FIG4: variants seen among roughly 807,000 people sequenced by gnomAD.
FIG4 encodes the protein FIG4 phosphoinositide 5-phosphatase.
A neutral mutation model predicts 118.6 loss-of-function variants in FIG4; 112 were observed. The observed-to-expected ratio is 0.94, with a 90% CI of 0.81 to 1.11. FIG4 has a LOEUF of 1.11. Ranked by LOEUF, FIG4 falls within the 50% of genes least tolerant of loss-of-function variation. The probability of loss-of-function intolerance (pLI) is 0.00; values close to 1 mark genes in which losing one functional copy is unlikely to be tolerated. For synonymous variants in FIG4, 369 were observed against 381.2 expected, an observed-to-expected ratio of 0.97 and a Z score of 0.37; for missense variants, 969 against 1,111.7, an observed-to-expected ratio of 0.87 and a Z score of 1.83.
At chr6:109,722,604 A>G (rs1775644794) in intron 3 of FIG4, among the ~76,000 whole-genome samples, 1 of 151,872 alleles carries the variant, frequency 6.6e-6, no homozygotes, top group African/African-American at 2.4e-5. Context: ...GCTAGATATA[A>G]GATTCTTATA....
At chr6:109,719,270 A>G (rs928430103) in intron 3 of FIG4, among the ~76,000 whole-genome samples, 1 of 152,078 alleles carries the variant, frequency 6.6e-6, no homozygotes, top group Non-Finnish European at 1.5e-5. Flanking sequence ...TGAATGCCTT[A>G]TTGGCCAGAT....
At chr6:109,791,147 T>C (rs902819434) in intron 19 of FIG4, among the ~76,000 whole-genome samples, 1 of 152,172 alleles carries the variant, frequency 6.6e-6, no homozygotes, top group African/African-American at 2.4e-5. Flanking sequence ...CTGCAAGTAA[T>C]TTTCATTTAT....
At chr6:109,739,631 C>CT (rs1776264522) in intron 7 of FIG4, among the ~76,000 whole-genome samples, 1 of 152,064 alleles carries the variant, frequency 6.6e-6, no homozygotes, top group South Asian at 2.1e-4. Flanking sequence ...GTTTCTTTGT[C>CT]TTATTTATGG....
intron 10 of FIG4, among the ~76,000 whole-genome samples, chr6:109,760,044 A>G (rs1219439143): frequency 6.6e-6 from 1 of 152,166 alleles, no homozygotes; most frequent in Non-Finnish European, 1.5e-5. Context: ...TAGAATCTTC[A>G]AAGTTCATTA....
chr6:109,744,689 G>A (rs192501296), intron 10 of FIG4, among the ~76,000 whole-genome samples: 10 of 152,038 alleles, frequency 6.6e-5, no homozygotes, highest in African/African-American at 2.2e-4. Flanking sequence ...TGTGCAGAAC[G>A]TGCAGGTTTG....
chr6:109,821,121 C>T (rs1196465677), intron 22 of FIG4, among the ~76,000 whole-genome samples: 1 of 152,178 alleles, frequency 6.6e-6, no homozygotes. Context: ...ACGGCCAAAG[C>T]TCCCTACCTG....
intron 18 of FIG4, 143 bp downstream of exon 18, chr6:109,786,592 G>A: frequency 1.2e-6 from 1 of 828,418 alleles, no homozygotes; most frequent in African/African-American, 1.7e-5. Flanking sequence ...CTCCTGTGAT[G>A]GGGAGCCCAC....
intron 3 of FIG4, among the ~76,000 whole-genome samples, chr6:109,721,479 A>G (rs1040177351): frequency 2.6e-5 from 4 of 152,102 alleles, no homozygotes; most frequent in African/African-American, 9.7e-5. Context: ...ATACTACTCC[A>G]TTCTCTCATA....
At chr6:109,810,211 A>T (rs1778682913) in intron 22 of FIG4, among the ~76,000 whole-genome samples, 1 of 152,122 alleles carries the variant, frequency 6.6e-6, no homozygotes, top group African/African-American at 2.4e-5. Context: ...GGGTGCATGG[A>T]TGTAGGGAAG....
chr6:109,740,925 G>A (rs1308487518), intron 7 of FIG4, among the ~76,000 whole-genome samples: 1 of 152,114 alleles, frequency 6.6e-6, no homozygotes, highest in East Asian at 1.9e-4. Context: ...CACAATGGCA[G>A]AGCAGAAGAG....
At chr6:109,691,585 C>A in intron 1 of FIG4, 84 bp downstream of exon 1, 1 of 1,158,672 alleles carries the variant, frequency 8.6e-7, no homozygotes, top group Non-Finnish European at 1.3e-6. Flanking sequence ...AGGCTGTACT[C>A]TGCCTCCTCC....
chr6:109,781,503 G>A (rs1419593474), intron 16 of FIG4, among the ~76,000 whole-genome samples: 6 of 151,952 alleles, frequency 3.9e-5, no homozygotes, highest in Admixed American at 3.9e-4. Flanking sequence ...TAGCTGTTCT[G>A]AGACCACTGG....
intron 17 of FIG4, chr6:109,786,088 G>GCTTGTTGAACT: frequency 1.8e-6 from 1 of 564,502 alleles, no homozygotes. Flanking sequence ...GCTCCTTAGA[G>GCTTGTTGAACT]CTTGTTGAAC....
At chr6:109,824,007 A>G (rs2128402490) in intron 22 of FIG4, among the ~76,000 whole-genome samples, 1 of 152,240 alleles carries the variant, frequency 6.6e-6, no homozygotes, top group African/African-American at 2.4e-5. Flanking sequence ...GTACACACAC[A>G]TGCTCTGCAT....
chr6:109,704,713 A>C (rs976454278), intron 1 of FIG4, among the ~76,000 whole-genome samples: 3 of 151,618 alleles, frequency 2.0e-5, no homozygotes, highest in Non-Finnish European at 4.4e-5. Flanking sequence ...GCTCTTTAAA[A>C]ATGGGGAAGT....
chr6:109,700,823 A>G (rs1732780345), intron 1 of FIG4, among the ~76,000 whole-genome samples: 3 of 152,232 alleles, frequency 2.0e-5, no homozygotes, highest in African/African-American at 7.2e-5. Context: ...TATAAGGTGT[A>G]TATGAAACAT....
intron 16 of FIG4, among the ~76,000 whole-genome samples, chr6:109,783,845 G>A (rs1777877266): frequency 6.6e-6 from 1 of 152,208 alleles, no homozygotes; most frequent in Non-Finnish European, 1.5e-5. Context: ...GAATAGCACT[G>A]CTGTAAAGCA....
At position 109,695,925 on chromosome 6, in the gene FIG4, T is replaced by C. The variant is rs186553908; in HGVS notation, c.66+4424T>C. Among the ~76,000 whole-genome samples the C allele has an allele frequency of 1.9e-3, 293 of 152,344 alleles. 2 individuals are homozygous for C. Among genetic ancestry groups the C allele is most frequent in the Non-Finnish European group, 3.6e-3 (242 of 68,032 alleles). ...ATTGTGTAAGTTGTACCAATTGAGA[T>C]GTCTATGGTGTTGGCTCTTATTTCT... On this transcript the variant is annotated intron_variant, in intron 1 of 22. Coordinates refer to ENST00000230124, the MANE Select transcript of FIG4 (RefSeq NM_014845.6).
intron 1 of FIG4, among the ~76,000 whole-genome samples, chr6:109,700,640 A>T (rs1774877435): frequency 6.6e-6 from 1 of 152,152 alleles, no homozygotes; most frequent in Non-Finnish European, 1.5e-5. Flanking sequence ...AAAATCCAAA[A>T]TTTTTTTGGA....
Sources: allele counts gnomAD v4.1 joint callset (sites outside exome capture counted in the v4.1 genomes callset), GRCh38; gene constraint gnomAD v4.1.1; transcripts MANE v1.5; gene names NCBI Gene and HGNC (gene_info 2026-07-23, HGNC 2026-07-21).